The following IREB2 variants were observed in gnomAD, a reference collection of about 807,000 sequenced individuals.
IREB2 encodes the protein iron responsive element binding protein 2.
A neutral mutation model predicts 118.8 loss-of-function variants in IREB2; 39 were observed. That is an observed-to-expected ratio of 0.33 (90% CI 0.25 to 0.43). The LOEUF is 0.43. Among genes scored for constraint, IREB2 ranks in the 20% least tolerant of loss-of-function variants. IREB2 has a pLI of 1.00. For missense variants in IREB2, 900 were observed against 1,147.3 expected (o/e 0.78, Z 3.11); for synonymous variants, 372 against 392.2 (o/e 0.95, Z 0.61).
intron 2 of IREB2, among the ~76,000 whole-genome samples, chr15:78,452,864 G>A (rs1239382668): frequency 6.6e-6 from 1 of 152,200 alleles, no homozygotes; most frequent in Non-Finnish European, 1.5e-5. Context: ...CTGGATCAGA[G>A]ACAATGGACA....
chr15:78,479,109 AT>A (rs898271377), intron 10 of IREB2, among the ~76,000 whole-genome samples: 6 of 151,648 alleles, frequency 4.0e-5, no homozygotes, highest in Middle Eastern at 3.4e-3. Flanking sequence ...TAATATTACT[AT>A]TTTTTTAATA....
rs566609757 is a variant in IREB2 at position 78,447,676 on chromosome 15, C to T, written c.106+7795C>T. Among the ~76,000 whole-genome samples the T allele has an allele frequency of 4.6e-5, 7 of 152,194 alleles. No individual in the cohort carries two copies. In the South Asian group the frequency reaches 6.2e-4, roughly 14 times the overall value. On this transcript the variant is annotated intron_variant, in intron 2 of 21. Coordinates refer to ENST00000258886, the MANE Select transcript of IREB2 (RefSeq NM_004136.4). ...ATAGAGACGGGAGTCTCCTGAACTC[C>T]TGACCTCAAGCAGTCTTCCTGCCTT...
chr15:78,473,410 C>CTT, intron 8 of IREB2, 29 bp downstream of exon 8: 1 of 1,582,452 alleles, frequency 6.3e-7, no homozygotes, highest in Non-Finnish European at 8.6e-7. Flanking sequence ...AGCTCTATGA[C>CTT]TTACTGAACA....
intron 6 of IREB2, 79 bp from the exon 7 acceptor site, chr15:78,471,662 A>T (rs1258307762): frequency 5.0e-6 from 4 of 797,666 alleles, no homozygotes; most frequent in Non-Finnish European, 5.6e-6. Flanking sequence ...AAATATTTTT[A>T]ATGTTAATAT....
rs534792754 is a variant in IREB2 at position 78,500,186 on chromosome 15, G to A, written c.*2043G>A. 1.3e-5 allele frequency: 2 copies of A among 152,050 alleles called. No individual in the cohort carries two copies. The highest frequency in any genetic ancestry group is 1.3e-4 in the Admixed American group (2 of 15,246). 9.4% of individuals were successfully genotyped at this position (152,050 alleles called of 1,614,324 possible). On this transcript the variant is annotated 3_prime_UTR_variant, in exon 22 of 22. Coordinates refer to ENST00000258886, the MANE Select transcript of IREB2 (RefSeq NM_004136.4). ...GAAAGCATACTCTATATATAGTTAT[G>A]GGCAGAGGCACAGGCATCCTCAGCA... is the stretch of plus-strand genomic sequence containing the variant.
intron 2 of IREB2, among the ~76,000 whole-genome samples, chr15:78,461,949 G>T (rs540468164): frequency 1.3e-5 from 2 of 152,064 alleles, no homozygotes; most frequent in Non-Finnish European, 2.9e-5. Context: ...TGGAAATACC[G>T]TGTGAGATAT....
At chr15:78,438,506 G>C (rs1387603030) in intron 1 of IREB2, 150 bp downstream of exon 1, 2 of 866,970 alleles carry the variant, frequency 2.3e-6, no homozygotes, top group East Asian at 5.3e-5. Flanking sequence ...TGCCTGCTGG[G>C]CCGCCCTTTG....
intron 1 of IREB2, chr15:78,438,690 C>T (rs910663302): frequency 6.4e-5 from 27 of 422,250 alleles, no homozygotes; most frequent in Non-Finnish European, 1.1e-4. Context: ...GAGAGGCCCA[C>T]CGTCTTCTCC....
rs768906054 is a variant in IREB2, at chr15:78,500,890, C to T, written c.*2747C>T. On this transcript the variant is annotated 3_prime_UTR_variant, in exon 22 of 22. Coordinates refer to ENST00000258886, the MANE Select transcript of IREB2 (RefSeq NM_004136.4). Reference sequence around the variant, plus strand: ...TAGTTTTTCGTTGGTAATCAAACAACAGTTGTACTAAAGGAAAGTAAAGCT... The same window carrying T: ...TAGTTTTTCGTTGGTAATCAAACAATAGTTGTACTAAAGGAAAGTAAAGCT... 4 of 152,208 alleles carry T rather than the reference C, an allele frequency of 2.6e-5. No homozygotes were observed. Among genetic ancestry groups the T allele is most frequent in the Non-Finnish European group, 5.9e-5 (4 of 68,034 alleles). The allele number at this position is 152,208 out of a possible 1,614,324, so 9.4% of individuals were successfully genotyped here. A position where few individuals can be genotyped will look rare whatever the true frequency, so the allele number is the denominator to read the frequency against.
At chr15:78,473,527 TAAC>T (rs560241679) in intron 8 of IREB2, 146 bp downstream of exon 8, 38 of 625,946 alleles carry the variant, frequency 6.1e-5, no homozygotes, top group Middle Eastern at 4.3e-4. Flanking sequence ...ATCATAGTAA[TAAC>T]AACAAACAGA....
intron 2 of IREB2, among the ~76,000 whole-genome samples, chr15:78,449,781 A>G (rs1469227528): frequency 1.3e-5 from 2 of 152,182 alleles, no homozygotes; most frequent in African/African-American, 2.4e-5. Context: ...TGCTTCCCGT[A>G]TACAAATAGC....
Position 78,483,427 on chromosome 15 carries a change from A to G in IREB2, c.1406A>G (p.Asn469Ser). 6.5e-7 allele frequency: 1 copy of G among 1,547,564 alleles called. No homozygotes were observed. The highest frequency in any genetic ancestry group is 8.9e-7 in the Non-Finnish European group (1 of 1,119,394). Residue 469 changes from asparagine to serine, a missense_variant, in exon 11 of 22, where the codon AAT (asparagine) becomes AGT (serine). By Grantham distance (46) the Asn-to-Ser change is conservative. Coordinates refer to ENST00000258886, the MANE Select transcript of IREB2 (RefSeq NM_004136.4). Reference protein sequence around the residue: ...DMKSDFQACLNEKVGFKGFQI... With the variant: ...DMKSDFQACLSEKVGFKGFQI... ...AAAAGCGATTTCCAGGCTTGCTTAA[A>G]TGAAAAGGTAGGTTACTTTATTCTT...
At chr15:78,437,685 C>G (rs1230274588), upstream of IREB2, 1 of 152,744 alleles carries the variant, frequency 6.5e-6, no homozygotes, top group African/African-American at 2.4e-5. Context: ...TTAACTGCCA[C>G]TGGGAAGAAG....
chr15:78,492,125 T>C (rs1293909567), intron 18 of IREB2, among the ~76,000 whole-genome samples: 1 of 152,236 alleles, frequency 6.6e-6, no homozygotes, highest in Non-Finnish European at 1.5e-5. Context: ...TTTAGAATAT[T>C]GTTGCCTCTG....
chr15:78,459,112 G>GA (rs550595150), intron 2 of IREB2, among the ~76,000 whole-genome samples: 1 of 151,686 alleles, frequency 6.6e-6, no homozygotes, highest in Non-Finnish European at 1.5e-5. Flanking sequence ...TTCTTAACGG[G>GA]AAAAAAAAGT....
At position 78,497,127 on chromosome 15, in the gene IREB2, G is replaced by A. The variant is rs1439037028; in HGVS notation, c.2597G>A (p.Gly866Asp). The A allele has an allele frequency of 1.2e-6, 2 of 1,610,600 alleles. No individual in the cohort carries two copies. The highest frequency in any genetic ancestry group is 1.7e-6 in the Non-Finnish European group (2 of 1,176,874). ...GAATAAAATGCACATTTATTACAGGGTGTGAAAGCTGTTTTGGCCGAAAGT... is the reference window on the plus strand; with the variant it reads ...GAATAAAATGCACATTTATTACAGGATGTGAAAGCTGTTTTGGCCGAAAGT... ...DWAAKGPYLLGVKAVLAESYE... is the reference protein window; with the variant it reads ...DWAAKGPYLLDVKAVLAESYE... Residue 866 changes from glycine to aspartate, a missense_variant and splice_region_variant, in exon 21 of 22, where the codon GGT becomes GAT. Transcript: ENST00000258886.
intron 5 of IREB2, among the ~76,000 whole-genome samples, chr15:78,468,226 A>G (rs1023164419): frequency 6.6e-6 from 1 of 152,128 alleles, no homozygotes; most frequent in African/African-American, 2.4e-5. Flanking sequence ...AAATATAACA[A>G]TTTATCCCAT....
In IREB2 at chr15:78,476,350, G is replaced by C. The variant is rs756141725; in HGVS notation, c.1186G>C (p.Glu396Gln). The change falls in exon 9 of 22, where the codon GAA becomes CAA. Residue 396 changes from glutamate (E) to glutamine (Q), a missense_variant. Coordinates refer to ENST00000258886, the MANE Select transcript of IREB2 (RefSeq NM_004136.4). ...TGACAATGTGACATTAAAACATTTA[G>C]AACATACAGGTAAGAAGATAAAAGA... ...PVDNVTLKHL[E>Q]HTGFSKAKLE... The C allele has an allele frequency of 5.1e-6, 8 of 1,562,182 alleles. No individual in the cohort carries two copies. Among genetic ancestry groups the C allele is most frequent in the Non-Finnish European group, 7.0e-6 (8 of 1,142,700 alleles).
chr15:78,471,860 A>G lies in IREB2; in HGVS notation c.819A>G (p.Pro273=), dbSNP rs1484207636. Residue 273 remains proline (P), a synonymous_variant, in exon 7 of 22, where the codon CCA becomes CCG. Coordinates refer to ENST00000258886, the MANE Select transcript of IREB2 (RefSeq NM_004136.4). The part of the protein sequence containing the change: ...VVFEEKDLLF[P]DSVVGTDSHI... Reference sequence around the variant, plus strand: ...TTGAAGAAAAAGACCTCCTCTTCCCAGACAGTGTAGTCGGCACAGATTCAC... The same window carrying G: ...TTGAAGAAAAAGACCTCCTCTTCCCGGACAGTGTAGTCGGCACAGATTCAC... 6.2e-7 allele frequency: 1 copy of G among 1,613,646 alleles called. No homozygotes were observed. The highest frequency in any genetic ancestry group is 8.5e-7 in the Non-Finnish European group (1 of 1,179,796).
Sources: allele counts gnomAD v4.1 joint callset (sites outside exome capture counted in the v4.1 genomes callset), GRCh38; gene constraint gnomAD v4.1.1; transcripts MANE v1.5; gene names NCBI Gene and HGNC (gene_info 2026-07-23, HGNC 2026-07-21).